Variants in CREB5 observed in about 807,000 individuals in gnomAD.
CREB5 encodes the protein cAMP responsive element binding protein 5.
A neutral mutation model predicts 57.1 loss-of-function variants in CREB5; 19 were observed. The ratio of observed to expected loss-of-function variants is 0.33; its 90% CI spans 0.23 to 0.49. The LOEUF is 0.49. CREB5 is among the 20% of genes least tolerant of loss of function. CREB5 has a pLI of 0.99. For missense variants in CREB5, 579 were observed against 671.6 expected, an observed-to-expected ratio of 0.86 and a Z score of 1.52; for synonymous variants, 238 against 238.3, an observed-to-expected ratio of 1.00 and a Z score of 0.01.
At chr7:28,459,254 G>A (rs1790247298) in intron 1 of CREB5, among the ~76,000 whole-genome samples, 1 of 152,148 alleles carries the variant, frequency 6.6e-6, no homozygotes, top group African/African-American at 2.4e-5. Flanking sequence ...CACCCCACCT[G>A]TCTCAGCCTT....
chr7:28,568,573 C>T (rs2128647212), intron 4 of CREB5, among the ~76,000 whole-genome samples: 1 of 152,304 alleles, frequency 6.6e-6, no homozygotes, highest in African/African-American at 2.4e-5. Context: ...ATTGCCATTT[C>T]CTTTCATCCT....
At chr7:28,781,696 T>C (rs1188081930) in intron 7 of CREB5, among the ~76,000 whole-genome samples, 1 of 152,174 alleles carries the variant, frequency 6.6e-6, no homozygotes, top group Non-Finnish European at 1.5e-5. Flanking sequence ...CTGGACAAGA[T>C]ACTTGCAAAG....
intron 1 of CREB5, among the ~76,000 whole-genome samples, chr7:28,436,912 A>C (rs141011593): frequency 6.6e-6 from 1 of 152,184 alleles, no homozygotes; most frequent in Admixed American, 6.5e-5. Context: ...ATTGTGTACT[A>C]TGCTCTTGAG....
intron 5 of CREB5, among the ~76,000 whole-genome samples, chr7:28,607,130 G>A (rs1797163313): frequency 6.6e-6 from 1 of 152,028 alleles, no homozygotes; most frequent in Admixed American, 6.6e-5. Flanking sequence ...CCCAGACTCA[G>A]TATCCTCTCT....
chr7:28,788,461 T>C (rs1283579001), intron 7 of CREB5, among the ~76,000 whole-genome samples: 6 of 152,350 alleles, frequency 3.9e-5, no homozygotes, highest in African/African-American at 1.4e-4. Context: ...TAGAACAATC[T>C]AACCTCATTC....
chr7:28,721,874 C>T (rs537132858), intron 6 of CREB5, among the ~76,000 whole-genome samples: 17 of 152,218 alleles, frequency 1.1e-4, no homozygotes, highest in Admixed American at 1.1e-3. Flanking sequence ...TACAGACAGG[C>T]TAGCTCCTGT....
intron 7 of CREB5, among the ~76,000 whole-genome samples, chr7:28,768,304 T>C (rs1325038112): frequency 1.3e-5 from 2 of 152,062 alleles, no homozygotes; most frequent in Non-Finnish European, 1.5e-5. Context: ...ACAGTGGCAA[T>C]TGGAGGCACT....
chr7:28,437,594 T>A (rs1369019340), intron 1 of CREB5, among the ~76,000 whole-genome samples: 1 of 152,122 alleles, frequency 6.6e-6, no homozygotes, highest in Non-Finnish European at 1.5e-5. Context: ...GACATTAATT[T>A]CAAGAAGTAC....
chr7:28,530,000 CT>C (rs1323746351), intron 4 of CREB5, among the ~76,000 whole-genome samples: 1 of 152,132 alleles, frequency 6.6e-6, no homozygotes, highest in Non-Finnish European at 1.5e-5. Context: ...GGTTTTATCA[CT>C]TATAATTTTC....
At chr7:28,446,020 G>A (rs1789447166) in intron 1 of CREB5, among the ~76,000 whole-genome samples, 1 of 152,208 alleles carries the variant, frequency 6.6e-6, no homozygotes, top group Non-Finnish European at 1.5e-5. Context: ...CCTATTCCCT[G>A]AAGGAAGCCC....
chr7:28,402,070 C>T (rs539986393), intron 1 of CREB5, among the ~76,000 whole-genome samples: 1 of 152,300 alleles, frequency 6.6e-6, no homozygotes, highest in East Asian at 1.9e-4. Context: ...CTCTCCAGCA[C>T]CTGTTGTTTC....
intron 5 of CREB5, among the ~76,000 whole-genome samples, chr7:28,702,158 T>G (rs921156802): frequency 2.3e-4 from 35 of 152,342 alleles, no homozygotes; most frequent in African/African-American, 7.7e-4. Context: ...CACTTATAAT[T>G]ATAGCTCTTT....
intron 4 of CREB5, among the ~76,000 whole-genome samples, chr7:28,568,724 G>T (rs1012084944): frequency 1.3e-5 from 2 of 152,128 alleles, no homozygotes; most frequent in Non-Finnish European, 2.9e-5. Context: ...TCTAAGCCAG[G>T]TGCCCAGTTT....
chr7:28,589,996 C>T (rs1324154636), intron 5 of CREB5, among the ~76,000 whole-genome samples: 1 of 152,144 alleles, frequency 6.6e-6, no homozygotes, highest in Non-Finnish European at 1.5e-5. Flanking sequence ...GCTTTGTCAT[C>T]ATAAAACCCA....
At chr7:28,714,069 C>T (rs1262271823) in intron 5 of CREB5, among the ~76,000 whole-genome samples, 1 of 150,184 alleles carries the variant, frequency 6.7e-6, no homozygotes, top group Non-Finnish European at 1.5e-5. Flanking sequence ...ACCTCCACCT[C>T]CTGCGCTCAA....
At chr7:28,429,360 T>G (rs1408456621) in intron 1 of CREB5, among the ~76,000 whole-genome samples, 10 of 152,210 alleles carry the variant, frequency 6.6e-5, no homozygotes, top group Admixed American at 5.9e-4. Flanking sequence ...GACCAGAATC[T>G]AAAATCTGAA....
rs181954958 is a variant in CREB5, at chr7:28,804,301, A to G, written c.805A>G (p.Thr269Ala). Residue 269 changes from threonine (T) to alanine (A), a missense_variant, in exon 8 of 11, where the codon ACG (threonine) becomes GCG (alanine). Around this residue, in one of 3 missense-constraint regions of CREB5, gnomAD observed 459 missense variants for 515.7 expected, o/e 0.89. Transcript: ENST00000357727. ...MEMMGSRQDQTPHHHMHSHPH... is the reference protein window; with the variant it reads ...MEMMGSRQDQAPHHHMHSHPH... ...GATGATGGGCTCCCGGCAGGACCAG[A>G]CGCCACACCATCACATGCACTCGCA... The G allele has an allele frequency of 9.9e-5, 160 of 1,613,854 alleles. No individual in the cohort carries two copies. The highest frequency in any genetic ancestry group is 1.2e-4 in the Non-Finnish European group (139 of 1,179,974).
chr7:28,361,332 G>A (rs1206029365), intron 1 of CREB5, among the ~76,000 whole-genome samples: 2 of 152,012 alleles, frequency 1.3e-5, no homozygotes, highest in Non-Finnish European at 2.9e-5. Context: ...AATTTTACAT[G>A]AGTCAATGTT....
chr7:28,362,867 C>A (rs1198070167), intron 1 of CREB5, among the ~76,000 whole-genome samples: 1 of 152,122 alleles, frequency 6.6e-6, no homozygotes, highest in Non-Finnish European at 1.5e-5. Context: ...GTTTTCTCAT[C>A]TGGAAAGTGG....
Sources: gnomAD v4.1 joint callset for allele counts (sites outside exome capture counted in the v4.1 genomes callset) on GRCh38, gnomAD v4.1.1 for gene constraint, gnomAD v4.1.1 regional missense constraint, MANE v1.5 for transcripts, NCBI Gene and HGNC (gene_info 2026-07-23, HGNC 2026-07-21) for gene names.